SSBP2: variants seen among roughly 807,000 people sequenced by gnomAD.
SSBP2 encodes the protein single-stranded DNA-binding protein 2.
A neutral mutation model predicts 61.8 loss-of-function variants in SSBP2; 17 were observed. That is an observed-to-expected ratio of 0.28 (90% CI 0.19 to 0.41). The LOEUF is 0.41. SSBP2 is among the 10% of genes least tolerant of loss of function. SSBP2 has a pLI of 1.00. For missense variants in SSBP2, 310 were observed against 458.7 expected (o/e 0.68, Z 2.96); for synonymous variants, 139 against 141.3 (o/e 0.98, Z 0.12).
At chr5:81,498,357 T>A (rs1767447097) in intron 5 of SSBP2, among the ~76,000 whole-genome samples, 1 of 152,098 alleles carries the variant, frequency 6.6e-6, no homozygotes, top group Admixed American at 6.5e-5. Context: ...ACCAAATCTA[T>A]CTCACTTGGA....
intron 2 of SSBP2, among the ~76,000 whole-genome samples, chr5:81,645,914 T>TA (rs2153698622): frequency 6.6e-6 from 1 of 152,306 alleles, no homozygotes; most frequent in East Asian, 1.9e-4. Context: ...AGAGAAATGT[T>TA]TTTATTTCTA....
intron 1 of SSBP2, among the ~76,000 whole-genome samples, chr5:81,690,810 G>A (rs1050831522): frequency 1.3e-5 from 2 of 152,082 alleles, no homozygotes; most frequent in African/African-American, 4.8e-5. Context: ...CAGACCATAT[G>A]TTAGGCCACA....
Position 81,518,834 on chromosome 5 carries a change from C to G in SSBP2, c.283-5117G>C, listed in dbSNP as rs1386016044. Among the ~76,000 whole-genome samples the G allele has an allele frequency of 2.0e-5, 3 of 151,998 alleles. No individual in the cohort carries two copies. The East Asian group carries it at 5.8e-4, about 29-fold the overall frequency. ...AAGAAATCAGGAATAAGAAAATATG[C>G]TTTTTGCCTTTTCATTTTTGGAGTA... On this transcript the variant is annotated intron_variant, in intron 4 of 16. Coordinates refer to ENST00000320672, the MANE Select transcript of SSBP2 (RefSeq NM_012446.5).
chr5:81,687,495 C>T (rs748102913), intron 1 of SSBP2, among the ~76,000 whole-genome samples: 20 of 152,310 alleles, frequency 1.3e-4, no homozygotes, highest in Non-Finnish European at 2.6e-4. Context: ...GGCATATGAC[C>T]CAGTGAGACA....
At chr5:81,636,354 C>A in intron 3 of SSBP2, 1 of 425,730 alleles carries the variant, frequency 2.3e-6, no homozygotes. Flanking sequence ...ACACTGGTTC[C>A]AATTCCAGTT....
chr5:81,726,039 T>C (rs1307339642), intron 1 of SSBP2, among the ~76,000 whole-genome samples: 1 of 152,188 alleles, frequency 6.6e-6, no homozygotes. Flanking sequence ...AACAGCACCA[T>C]ATATTTTTTA....
intron 4 of SSBP2, among the ~76,000 whole-genome samples, chr5:81,558,336 G>A (rs1047840266): frequency 6.6e-6 from 1 of 152,196 alleles, no homozygotes; most frequent in Non-Finnish European, 1.5e-5. Flanking sequence ...TGGAGGCTAT[G>A]AAGTCCAAGA....
chr5:81,553,380 G>A (rs1772354656), intron 4 of SSBP2, among the ~76,000 whole-genome samples: 1 of 152,008 alleles, frequency 6.6e-6, no homozygotes, highest in East Asian at 1.9e-4. Context: ...GAAATAGCAG[G>A]ATTGTGATAC....
At chr5:81,726,080 T>G (rs989909157) in intron 1 of SSBP2, among the ~76,000 whole-genome samples, 32 of 152,278 alleles carry the variant, frequency 2.1e-4, no homozygotes, top group African/African-American at 6.5e-4. Flanking sequence ...AAAACATTAG[T>G]ACGAACATCT....
intron 10 of SSBP2, among the ~76,000 whole-genome samples, chr5:81,454,343 G>C (rs1236023680): frequency 6.6e-6 from 1 of 152,204 alleles, no homozygotes; most frequent in African/African-American, 2.4e-5. Flanking sequence ...ATTTGAAAGA[G>C]TGAATGAGTA....
intron 6 of SSBP2, among the ~76,000 whole-genome samples, chr5:81,483,193 A>G (rs1444971500): frequency 6.6e-6 from 1 of 152,212 alleles, no homozygotes; most frequent in Non-Finnish European, 1.5e-5. Context: ...AAAAATTTTA[A>G]TATGAGAGTT....
intron 1 of SSBP2, among the ~76,000 whole-genome samples, chr5:81,711,410 G>A (rs76977560): frequency 0.016 from 2,479 of 151,970 alleles, 75 homozygotes; most frequent in African/African-American, 0.056. Context: ...ACAGCTCATC[G>A]CTTTGCCAGA....
intron 1 of SSBP2, among the ~76,000 whole-genome samples, chr5:81,685,445 G>T (rs979377914): frequency 6.6e-6 from 1 of 152,002 alleles, no homozygotes; most frequent in African/African-American, 2.4e-5. Flanking sequence ...GGATAATCAG[G>T]CAGGATGTGT....
rs1765408816 is a variant in SSBP2 at position 81,473,773 on chromosome 5, A to G, written c.500-3T>C. 1 of 1,611,686 alleles carries G rather than the reference A, an allele frequency of 6.2e-7. No individual in the cohort carries two copies. Among genetic ancestry groups the G allele is most frequent in the African/African-American group, 1.3e-5 (1 of 74,824 alleles). ...TGGCCCACCCATATTTGGATGTCCT[A>G]AAAAAAGTATGAAGACATTAGCAAA... On this transcript the variant is annotated splice_region_variant and splice_polypyrimidine_tract_variant and intron_variant, in intron 7 of 16. Transcript: ENST00000320672.
intron 1 of SSBP2, among the ~76,000 whole-genome samples, chr5:81,740,295 T>A (rs1756925807): frequency 6.6e-6 from 1 of 151,606 alleles, no homozygotes; most frequent in African/African-American, 2.4e-5. Context: ...AGTCACTAAG[T>A]TTAATCCAGG....
rs115234728 is a variant in SSBP2 at position 81,580,000 on chromosome 5, G to A, written c.282+35473C>T. Among the ~76,000 whole-genome samples the A allele has an allele frequency of 4.1e-3, 622 of 152,138 alleles. 3 individuals carry two copies. The highest frequency in any genetic ancestry group is 0.014 in the African/African-American group (592 of 41,508). On this transcript the variant is annotated intron_variant, in intron 4 of 16. Coordinates refer to ENST00000320672, the MANE Select transcript of SSBP2 (RefSeq NM_012446.5). ...GTACTTAATTTGTTAAGGAGTTTAT[G>A]TTCTATAGGTAATATTTAATGTATT...
At chr5:81,679,115 T>C (rs974914978) in intron 1 of SSBP2, among the ~76,000 whole-genome samples, 5 of 152,250 alleles carry the variant, frequency 3.3e-5, no homozygotes, top group Admixed American at 2.6e-4. Flanking sequence ...GTTCAAGCGA[T>C]TCTCTGCCTC....
chr5:81,698,479 G>T (rs895928788), intron 1 of SSBP2, among the ~76,000 whole-genome samples: 1 of 152,106 alleles, frequency 6.6e-6, no homozygotes, highest in Non-Finnish European at 1.5e-5. Flanking sequence ...ACAGGTTAAG[G>T]GGTGGCAAAG....
At chr5:81,434,633 C>CAAAAAAAAAAAAAAAAAAAAAAAAAA (rs34269591) in intron 15 of SSBP2, among the ~76,000 whole-genome samples, 1 of 43,022 alleles carries the variant, frequency 2.3e-5, no homozygotes, top group Non-Finnish European at 4.1e-5. Context: ...ACTCTTGACT[C>CAAAAAAAAAAAAAAAAAAAAAAAAAA]AAAAAAAAAA....
Sources: gnomAD v4.1 joint callset for allele counts (sites outside exome capture counted in the v4.1 genomes callset) on GRCh38, gnomAD v4.1.1 for gene constraint, MANE v1.5 for transcripts, NCBI Gene and HGNC (gene_info 2026-07-23, HGNC 2026-07-21) for gene names.